The following CLVS1 variants were observed in gnomAD, a reference collection of about 807,000 sequenced individuals.
CLVS1 encodes the protein clavesin 1.
In CLVS1, 10 loss-of-function variants were observed where a neutral mutation model predicts 33.1. The observed-to-expected ratio is 0.30, with a 90% CI of 0.19 to 0.51. The LOEUF (loss-of-function observed/expected upper bound fraction) is 0.51. CLVS1 is among the 20% of genes least tolerant of loss of function. The probability of loss-of-function intolerance (pLI) is 0.97; values close to 1 mark genes in which losing one functional copy is unlikely to be tolerated. For missense variants in CLVS1, 343 were observed against 433.4 expected, an observed-to-expected ratio of 0.79 and a Z score of 1.85; for synonymous variants, 163 against 166.1, an observed-to-expected ratio of 0.98 and a Z score of 0.14.
At chr8:61,039,234 A>G in the CLVS1 span, among the ~76,000 whole-genome samples, 5 of 152,188 alleles carry the variant, frequency 3.3e-5, no homozygotes, top group Admixed American at 2.6e-4. Flanking sequence ...TTTATTACTT[A>G]CTCCAAGAGA....
chr8:61,336,520 T>C (rs540595091), intron 2 of CLVS1, among the ~76,000 whole-genome samples: 1 of 151,948 alleles, frequency 6.6e-6, no homozygotes, highest in African/African-American at 2.4e-5. Flanking sequence ...GGTGGTACAA[T>C]AGAAGTGAGC....
chr8:61,234,206 G>A lies in CLVS1; in HGVS notation c.-151-65471G>A, dbSNP rs538878489. 7.2e-5 allele frequency among the ~76,000 whole-genome samples: 11 copies of A among 152,276 alleles called. No individual in the cohort carries two copies. In the South Asian group the frequency reaches 2.3e-3, roughly 32 times the overall value. ...GGCAGAAGTCTGCTGTGGCCAGGGG[G>A]TAGAGAATGAGGGTGGACTGGATCT... On this transcript the variant is annotated intron_variant, in intron 2 of 2. Coordinates refer to the CLVS1 transcript ENST00000522621.
chr8:61,106,762 C>G (rs1274288259), intron 1 of CLVS1, among the ~76,000 whole-genome samples: 1 of 152,098 alleles, frequency 6.6e-6, no homozygotes, highest in African/African-American at 2.4e-5. Context: ...GGTAAACTCC[C>G]AGGTACTGTG....
chr8:61,028,889 G>A, the CLVS1 span, among the ~76,000 whole-genome samples: 1 of 152,178 alleles, frequency 6.6e-6, no homozygotes, highest in Non-Finnish European at 1.5e-5. Context: ...GTCTGCTGGA[G>A]CTTCCTCTGG....
At chr8:61,364,974 A>C (rs1292504260) in intron 2 of CLVS1, among the ~76,000 whole-genome samples, 2 of 152,222 alleles carry the variant, frequency 1.3e-5, no homozygotes, top group Non-Finnish European at 2.9e-5. Flanking sequence ...CACTGTTATC[A>C]GAGTTTATGA....
chr8:61,211,301 T>C (rs1164784055), intron 2 of CLVS1, among the ~76,000 whole-genome samples: 1 of 152,012 alleles, frequency 6.6e-6, no homozygotes, highest in Non-Finnish European at 1.5e-5. Context: ...ATTTTGCTCC[T>C]CCTTCTCCCT....
chr8:60,998,815 G>A, the CLVS1 span, among the ~76,000 whole-genome samples: 6 of 152,200 alleles, frequency 3.9e-5, no homozygotes, highest in Non-Finnish European at 8.8e-5. Context: ...CTCACCCAGT[G>A]TCAGCTGAGT....
chr8:61,305,487 T>C (rs953534489), intron 2 of CLVS1, among the ~76,000 whole-genome samples: 2 of 152,224 alleles, frequency 1.3e-5, no homozygotes, highest in African/African-American at 4.8e-5. Context: ...TCCATCCATG[T>C]TGCTGCAAAG....
At chr8:60,998,259 G>A in the CLVS1 span, among the ~76,000 whole-genome samples, 2 of 152,186 alleles carry the variant, frequency 1.3e-5, no homozygotes, top group African/African-American at 2.4e-5. Flanking sequence ...CAATGCTGGA[G>A]GGCTGGCTGG....
the CLVS1 span, among the ~76,000 whole-genome samples, chr8:60,973,096 G>A: frequency 4.6e-5 from 7 of 152,308 alleles, no homozygotes; most frequent in East Asian, 1.4e-3. Context: ...AGATTCAAGG[G>A]TATGAAGAAA....
intron 1 of CLVS1, chr8:61,292,369 T>A (rs1468771083): frequency 4.4e-6 from 2 of 456,118 alleles, no homozygotes; most frequent in African/African-American, 4.0e-5. Flanking sequence ...TGCAATCACA[T>A]CCAGAAGAAG....
chr8:61,052,053 A>C, the CLVS1 span, among the ~76,000 whole-genome samples: 1 of 152,192 alleles, frequency 6.6e-6, no homozygotes, highest in Non-Finnish European at 1.5e-5. Context: ...GGGAACCATC[A>C]GTGAGGGGGA....
At chr8:61,452,343 A>G (rs546425394) in intron 3 of CLVS1, among the ~76,000 whole-genome samples, 1 of 152,346 alleles carries the variant, frequency 6.6e-6, no homozygotes, top group Admixed American at 6.5e-5. Flanking sequence ...TAAACCTCTT[A>G]TTGGTCCCAT....
chr8:61,016,662 T>C, the CLVS1 span, among the ~76,000 whole-genome samples: 1 of 152,224 alleles, frequency 6.6e-6, no homozygotes, highest in African/African-American at 2.4e-5. Flanking sequence ...AAACTGCATG[T>C]GCATACATAA....
the CLVS1 span, among the ~76,000 whole-genome samples, chr8:60,967,970 G>T: frequency 2.6e-5 from 4 of 152,224 alleles, no homozygotes; most frequent in South Asian, 4.1e-4. Context: ...ACAGGGTCTT[G>T]TTCTGTCGCC....
At chr8:61,137,895 G>T (rs1369157511) in intron 2 of CLVS1, among the ~76,000 whole-genome samples, 1 of 152,160 alleles carries the variant, frequency 6.6e-6, no homozygotes, top group Admixed American at 6.5e-5. Context: ...GGGCTGATAG[G>T]TGCTTCTGGG....
Position 61,142,866 on chromosome 8 carries a change from C to T in CLVS1, c.-152+11006C>T, listed in dbSNP as rs145604946. Reference sequence around the variant, plus strand: ...AGTGAACCCAGCTTTCAAACCTCTTCGACACTTGTGAATGGACATACTTGC... The same window carrying T: ...AGTGAACCCAGCTTTCAAACCTCTTTGACACTTGTGAATGGACATACTTGC... On this transcript the variant is annotated intron_variant, in intron 2 of 2. Coordinates refer to the CLVS1 transcript ENST00000522621. Among the ~76,000 whole-genome samples, 399 of 152,200 alleles carry T rather than the reference C, an allele frequency of 2.6e-3. 2 individuals carry two copies. Among genetic ancestry groups the T allele is most frequent in the African/African-American group, 8.8e-3 (364 of 41,536 alleles).
chr8:61,382,629 A>C (rs972892002), intron 3 of CLVS1, among the ~76,000 whole-genome samples: 7 of 152,228 alleles, frequency 4.6e-5, no homozygotes, highest in Admixed American at 2.6e-4. Flanking sequence ...GATGGATATC[A>C]ACTTTAAGCA....
chr8:61,301,786 A>G (rs1810446116), intron 2 of CLVS1, among the ~76,000 whole-genome samples: 2 of 152,094 alleles, frequency 1.3e-5, no homozygotes, highest in African/African-American at 4.8e-5. Flanking sequence ...TTGTGTGTAT[A>G]CTTTGTGTAT....
Sources: allele counts gnomAD v4.1 joint callset (sites outside exome capture counted in the v4.1 genomes callset), GRCh38; gene constraint gnomAD v4.1.1; transcripts MANE v1.5; gene names NCBI Gene and HGNC (gene_info 2026-07-23, HGNC 2026-07-21).